The following GPR39 variants were observed in gnomAD, a reference collection of about 807,000 sequenced individuals.
GPR39 encodes the protein zinc sensing receptor.
GPR39 carries 23 observed loss-of-function variants against 18.4 expected under a neutral mutation model. The ratio of observed to expected loss-of-function variants is 1.25; its 90% CI spans 0.90 to 1.77. The LOEUF is 1.77. Ranked by LOEUF, GPR39 falls within the 40% of genes most tolerant of loss-of-function variation. GPR39 has a pLI of 0.00. For synonymous variants in GPR39, 280 were observed against 257.9 expected, an observed-to-expected ratio of 1.09 and a Z score of -0.82; for missense variants, 647 against 602.4, an observed-to-expected ratio of 1.07 and a Z score of -0.78.
intron 1 of GPR39, among the ~76,000 whole-genome samples, chr2:132,585,948 G>GTTTTTTTTTTTT (rs397985921): frequency 3.2e-5 from 2 of 62,974 alleles, no homozygotes; most frequent in Admixed American, 2.6e-4. Flanking sequence ...AGCATCCCCG[G>GTTTTTTTTTTTT]TTTTTTTTTT....
intron 1 of GPR39, among the ~76,000 whole-genome samples, chr2:132,599,343 G>A (rs1231167356): frequency 6.6e-6 from 1 of 152,014 alleles, no homozygotes; most frequent in Non-Finnish European, 1.5e-5. Context: ...CCTTTGTTTC[G>A]ATGTGTTTTC....
At chr2:132,539,214 T>C (rs768175364) in intron 1 of GPR39, among the ~76,000 whole-genome samples, 4 of 151,772 alleles carry the variant, frequency 2.6e-5, no homozygotes, top group Middle Eastern at 3.4e-3. Flanking sequence ...TCTACTGATC[T>C]GTGGATTGCA....
chr2:132,538,400 C>T (rs190287698), intron 1 of GPR39, among the ~76,000 whole-genome samples: 10 of 152,204 alleles, frequency 6.6e-5, no homozygotes, highest in African/African-American at 2.2e-4. Context: ...GCAAAGATTG[C>T]CACCTGCTCC....
intron 1 of GPR39, among the ~76,000 whole-genome samples, chr2:132,629,186 G>A (rs1246779924): frequency 6.6e-6 from 1 of 152,200 alleles, no homozygotes; most frequent in Non-Finnish European, 1.5e-5. Context: ...TGGAAGACAG[G>A]CAGCAGGGAA....
chr2:132,622,155 A>T (rs1187697129), intron 1 of GPR39, among the ~76,000 whole-genome samples: 4 of 152,154 alleles, frequency 2.6e-5, no homozygotes, highest in Non-Finnish European at 4.4e-5. Context: ...GCATTTTGGG[A>T]GGCTGAGGTG....
chr2:132,539,287 C>CTGCG (rs1245686650), intron 1 of GPR39, among the ~76,000 whole-genome samples: 2 of 152,138 alleles, frequency 1.3e-5, no homozygotes, highest in Admixed American at 1.3e-4. Context: ...CTTCCCTTGG[C>CTGCG]TGCGGGAGGG....
chr2:132,501,435 G>A (rs1256019683), intron 1 of GPR39, among the ~76,000 whole-genome samples: 1 of 152,140 alleles, frequency 6.6e-6, no homozygotes, highest in Non-Finnish European at 1.5e-5. Flanking sequence ...ACTGTGGTCT[G>A]AGAGAGTACT....
chr2:132,616,052 C>T (rs2104854837), intron 1 of GPR39, among the ~76,000 whole-genome samples: 1 of 152,020 alleles, frequency 6.6e-6, no homozygotes, highest in African/African-American at 2.4e-5. Context: ...TCCTGCAAAC[C>T]TTCCCTGTCA....
rs1302786770 is a variant in GPR39, at chr2:132,482,522, G to A, written c.856+64624G>A. 5.3e-5 allele frequency among the ~76,000 whole-genome samples: 8 copies of A among 152,298 alleles called. No individual in the cohort carries two copies. In the South Asian group the frequency reaches 6.2e-4, roughly 12 times the overall value. On this transcript the variant is annotated intron_variant, in intron 1 of 1. Transcript: ENST00000329321. Reference sequence around the variant, plus strand: ...GGGGGCATCACTTCTACCACATTACGTGGATCAAAGCAAGTGGACGAGCAG... The same window carrying A: ...GGGGGCATCACTTCTACCACATTACATGGATCAAAGCAAGTGGACGAGCAG...
At chr2:132,562,024 A>G (rs1244080677) in intron 1 of GPR39, among the ~76,000 whole-genome samples, 1 of 152,212 alleles carries the variant, frequency 6.6e-6, no homozygotes, top group African/African-American at 2.4e-5. Flanking sequence ...TTGGCCAAAT[A>G]TCTAGGCACC....
chr2:132,491,681 T>G (rs1681463547), intron 1 of GPR39, among the ~76,000 whole-genome samples: 2 of 151,768 alleles, frequency 1.3e-5, no homozygotes, highest in African/African-American at 4.8e-5. Flanking sequence ...GGAATGGAGA[T>G]TGGTTCGAAG....
chr2:132,591,183 G>A (rs1324743287), intron 1 of GPR39, among the ~76,000 whole-genome samples: 10 of 148,420 alleles, frequency 6.7e-5, no homozygotes, highest in African/African-American at 9.9e-5. Context: ...CCCGGGAAGC[G>A]GAGCTTGCAG....
At chr2:132,593,146 T>C (rs1393591392) in intron 1 of GPR39, among the ~76,000 whole-genome samples, 2 of 152,166 alleles carry the variant, frequency 1.3e-5, no homozygotes, top group African/African-American at 4.8e-5. Flanking sequence ...GACACATTGC[T>C]CTCTCAACAC....
chr2:132,442,900 C>T (rs1573604478), intron 1 of GPR39, among the ~76,000 whole-genome samples: 1 of 152,070 alleles, frequency 6.6e-6, no homozygotes, highest in Admixed American at 6.5e-5. Context: ...AATATTGATT[C>T]TTTGCATTGG....
intron 1 of GPR39, among the ~76,000 whole-genome samples, chr2:132,555,519 T>A (rs968794173): frequency 1.3e-5 from 2 of 152,190 alleles, no homozygotes; most frequent in African/African-American, 4.8e-5. Context: ...CTCTGTTTTA[T>A]TCTGGGTAGG....
intron 1 of GPR39, among the ~76,000 whole-genome samples, chr2:132,561,160 C>T (rs1403618194): frequency 6.6e-6 from 1 of 152,072 alleles, no homozygotes; most frequent in African/African-American, 2.4e-5. Context: ...CCTCATGATC[C>T]ACCCGCCTCA....
intron 1 of GPR39, among the ~76,000 whole-genome samples, chr2:132,526,648 TC>T (rs947589382): frequency 6.6e-6 from 1 of 152,182 alleles, no homozygotes; most frequent in African/African-American, 2.4e-5. Context: ...ACACTGCCCA[TC>T]CCCCGGAGCA....
At chr2:132,546,857 A>AAAAAAAAAAAAAAG (rs1679959473) in intron 1 of GPR39, among the ~76,000 whole-genome samples, 1 of 148,908 alleles carries the variant, frequency 6.7e-6, no homozygotes, top group African/African-American at 2.5e-5. Flanking sequence ...AAAAAAAAAA[A>AAAAAAAAAAAAAAG]AAAAAAAAGA....
At chr2:132,569,269 A>C (rs1680402074) in intron 1 of GPR39, among the ~76,000 whole-genome samples, 1 of 152,118 alleles carries the variant, frequency 6.6e-6, no homozygotes, top group Non-Finnish European at 1.5e-5. Context: ...AAGACTGAAC[A>C]AGTTTTTCCT....
Sources: gnomAD v4.1 joint callset for allele counts (sites outside exome capture counted in the v4.1 genomes callset) on GRCh38, gnomAD v4.1.1 for gene constraint, MANE v1.5 for transcripts, NCBI Gene and HGNC (gene_info 2026-07-23, HGNC 2026-07-21) for gene names.